Variants in EAF2 observed in about 807,000 individuals in gnomAD.
The protein encoded by EAF2 is ELL associated factor 2, also known as ELL-associated factor 2.
In EAF2, 29 loss-of-function variants were observed where a neutral mutation model predicts 29.4. The ratio of observed to expected loss-of-function variants is 0.99; its 90% confidence interval spans 0.73 to 1.35. EAF2 has a LOEUF of 1.35. Among genes scored for constraint, EAF2 ranks in the 40% most tolerant of loss-of-function variants. EAF2 has a pLI of 0.00. For synonymous variants in EAF2, 103 were observed against 102.5 expected, an observed-to-expected ratio of 1.00 and a Z score of -0.03; for missense variants, 292 against 312.0, an observed-to-expected ratio of 0.94 and a Z score of 0.48.
chr3:121,857,637 T>C (rs971332555), intron 4 of EAF2, among the ~76,000 whole-genome samples: 1 of 152,202 alleles, frequency 6.6e-6, no homozygotes, highest in Admixed American at 6.5e-5. Context: ...TTTTTAGTTT[T>C]ATGTAAGCAA....
At chr3:121,838,595 T>C (rs181067359) in intron 1 of EAF2, among the ~76,000 whole-genome samples, 8 of 152,348 alleles carry the variant, frequency 5.3e-5, no homozygotes, top group Non-Finnish European at 1.0e-4. Flanking sequence ...GATTTATTGA[T>C]TATGAATTCA....
intron 4 of EAF2, among the ~76,000 whole-genome samples, chr3:121,868,271 A>C (rs552706814): frequency 6.6e-6 from 1 of 152,292 alleles, no homozygotes; most frequent in Non-Finnish European, 1.5e-5. Context: ...AAGCACAAAC[A>C]TGTGACCATA....
chr3:121,869,566 G>A (rs1708977183), intron 4 of EAF2, among the ~76,000 whole-genome samples: 1 of 152,246 alleles, frequency 6.6e-6, no homozygotes, highest in East Asian at 1.9e-4. Flanking sequence ...AGATCCAGTA[G>A]CCATTAAAAG....
intron 3 of EAF2, among the ~76,000 whole-genome samples, chr3:121,856,191 A>C (rs1708713309): frequency 6.6e-6 from 1 of 152,194 alleles, no homozygotes; most frequent in Admixed American, 6.5e-5. Context: ...AAACTTTAGA[A>C]GTGATTTAGT....
intron 4 of EAF2, among the ~76,000 whole-genome samples, chr3:121,870,391 G>A (rs186756360): frequency 6.6e-6 from 1 of 152,296 alleles, no homozygotes; most frequent in African/African-American, 2.4e-5. Flanking sequence ...GGGTGAGAGG[G>A]AGGGTAGGGA....
intron 4 of EAF2, among the ~76,000 whole-genome samples, chr3:121,858,921 C>T (rs142325706): frequency 0.15 from 22,244 of 152,050 alleles, 2,028 homozygotes; most frequent in African/African-American, 0.25. Flanking sequence ...ATATATTAAA[C>T]AGGGAATCCT....
At chr3:121,846,141 C>T (rs996099073) in intron 2 of EAF2, among the ~76,000 whole-genome samples, 5 of 151,986 alleles carry the variant, frequency 3.3e-5, no homozygotes, top group African/African-American at 1.2e-4. Context: ...GATGGTTTAC[C>T]GTGGTTATAC....
chr3:121,884,340 C>CAAAAAA (rs1192870196), intron 5 of EAF2, among the ~76,000 whole-genome samples: 2 of 84,154 alleles, frequency 2.4e-5, no homozygotes, highest in Admixed American at 1.2e-4. Context: ...AACTCCATCT[C>CAAAAAA]AAAAAAAAAA....
At chr3:121,847,437 T>G (rs1157873141) in intron 2 of EAF2, among the ~76,000 whole-genome samples, 1 of 152,150 alleles carries the variant, frequency 6.6e-6, no homozygotes, top group Non-Finnish European at 1.5e-5. Flanking sequence ...AGAAAGTTTG[T>G]TAAACATTTG....
At chr3:121,867,226 G>T (rs894121140) in intron 4 of EAF2, among the ~76,000 whole-genome samples, 1 of 152,122 alleles carries the variant, frequency 6.6e-6, no homozygotes, top group African/African-American at 2.4e-5. Flanking sequence ...GGTTAAAAGA[G>T]TATTTAAATA....
At chr3:121,848,140 T>A (rs568455827) in intron 2 of EAF2, among the ~76,000 whole-genome samples, 13 of 152,314 alleles carry the variant, frequency 8.5e-5, no homozygotes, top group African/African-American at 3.1e-4. Context: ...GTAAATACCT[T>A]TGTTATAATT....
intron 1 of EAF2, among the ~76,000 whole-genome samples, chr3:121,837,225 A>G (rs548957699): frequency 1.3e-5 from 2 of 152,298 alleles, no homozygotes; most frequent in Admixed American, 1.3e-4. Flanking sequence ...TTTTAGATTT[A>G]TTTAAATAAA....
At chr3:121,838,409 C>G (rs560078024) in intron 1 of EAF2, among the ~76,000 whole-genome samples, 2 of 152,094 alleles carry the variant, frequency 1.3e-5, no homozygotes, top group Non-Finnish European at 2.9e-5. Flanking sequence ...GATTAATCAG[C>G]AAATTCTTTA....
intron 5 of EAF2, 99 bp from the exon 6 acceptor site, chr3:121,886,243 A>T (rs1709282178): frequency 1.5e-6 from 1 of 652,702 alleles, no homozygotes; most frequent in African/African-American, 1.9e-5. Context: ...GGTAAACAGA[A>T]TCACGCTTGG....
intron 5 of EAF2, among the ~76,000 whole-genome samples, chr3:121,883,125 T>A (rs1173272516): frequency 6.6e-6 from 1 of 152,170 alleles, no homozygotes; most frequent in Non-Finnish European, 1.5e-5. Flanking sequence ...GAAGTAACCA[T>A]GTTTTTGCAG....
At chr3:121,867,971 A>G (rs1040022084) in intron 4 of EAF2, among the ~76,000 whole-genome samples, 1 of 152,238 alleles carries the variant, frequency 6.6e-6, no homozygotes, top group Non-Finnish European at 1.5e-5. Flanking sequence ...TTGAGATGGC[A>G]TTCTAAAATG....
intron 1 of EAF2, among the ~76,000 whole-genome samples, chr3:121,841,450 A>C (rs2107496362): frequency 7.0e-6 from 1 of 142,178 alleles, no homozygotes; most frequent in South Asian, 2.4e-4. Context: ...CGTTACAGTG[A>C]GCCGAAATCG....
chr3:121,847,700 A>G (rs1478637922), intron 2 of EAF2, among the ~76,000 whole-genome samples: 1 of 152,170 alleles, frequency 6.6e-6, no homozygotes, highest in African/African-American at 2.4e-5. Flanking sequence ...ATTAGTTCAG[A>G]TGGTCTAACC....
chr3:121,881,549 G>A (rs916515592), intron 5 of EAF2, among the ~76,000 whole-genome samples: 12 of 152,020 alleles, frequency 7.9e-5, no homozygotes, highest in African/African-American at 2.9e-4. Context: ...TTACTCTGTT[G>A]CCCAGGCTGG....
Sources: allele counts gnomAD v4.1 joint callset (sites outside exome capture counted in the v4.1 genomes callset), GRCh38; gene constraint gnomAD v4.1.1; transcripts MANE v1.5; gene names NCBI Gene and HGNC (gene_info 2026-07-23, HGNC 2026-07-21).